The following GRB10 variants were observed in gnomAD, a reference collection of about 807,000 sequenced individuals.
GRB10 encodes the protein growth factor receptor bound protein 10.
A neutral mutation model predicts 80.9 loss-of-function variants in GRB10; 20 were observed. That is an observed-to-expected ratio of 0.25 (90% confidence interval 0.17 to 0.36). GRB10 has a LOEUF of 0.36. Ranked by LOEUF, GRB10 falls within the 10% of genes least tolerant of loss-of-function variation. GRB10 has a pLI of 1.00. For synonymous variants in GRB10, 291 were observed against 291.5 expected, an observed-to-expected ratio of 1.00 and a Z score of 0.02; for missense variants, 548 against 747.7, an observed-to-expected ratio of 0.73 and a Z score of 3.12.
Position 50,606,324 on chromosome 7 carries a change from T to C in GRB10, c.1272+13A>G, listed in dbSNP as rs1160609009. On this transcript the variant is annotated intron_variant, in intron 14 of 18. Transcript: ENST00000401949. ...AAAGGCACTAGACTTCTGAAGCTCC[T>C]GGCTTTACTTACCACTGGCGTCGAG... The C allele has an allele frequency of 6.2e-7, 1 of 1,609,264 alleles. No individual in the cohort carries two copies. The highest frequency in any genetic ancestry group is 1.1e-5 in the South Asian group (1 of 90,994).
chr7:50,733,734 C>T (rs143240944), intron 3 of GRB10, among the ~76,000 whole-genome samples: 121 of 152,360 alleles, frequency 7.9e-4, no homozygotes, highest in African/African-American at 2.7e-3. Context: ...CTCGGGGTAG[C>T]TGGTGTTACA....
intron 4 of GRB10, among the ~76,000 whole-genome samples, chr7:50,726,272 C>A (rs138126264): frequency 6.2e-4 from 94 of 152,184 alleles, no homozygotes; most frequent in Middle Eastern, 6.8e-3. Context: ...ATGGTGCATG[C>A]CTATAATTCC....
In GRB10 at chr7:50,592,950, G is replaced by A. The variant is rs919918053; in HGVS notation, c.*2C>T. The A allele has an allele frequency of 4.3e-6, 7 of 1,613,976 alleles. No homozygotes were observed. Among genetic ancestry groups the A allele is most frequent in the African/African-American group, 1.3e-5 (1 of 74,918 alleles). On this transcript the variant is annotated 3_prime_UTR_variant, in exon 19 of 19. Transcript: ENST00000401949. Reference sequence around the variant, plus strand: ...AGTCTTCAGCCGAGAGGACATCTGCGGTCATAAGGCCACTCGGATGCAGTG... The same window carrying A: ...AGTCTTCAGCCGAGAGGACATCTGCAGTCATAAGGCCACTCGGATGCAGTG...
chr7:50,714,579 C>A (rs1411975511), intron 4 of GRB10, among the ~76,000 whole-genome samples: 1 of 151,966 alleles, frequency 6.6e-6, no homozygotes, highest in African/African-American at 2.4e-5. Context: ...AGGGGAATGG[C>A]GTGAACCCAG....
intron 5 of GRB10, among the ~76,000 whole-genome samples, chr7:50,684,267 CAAA>C (rs386410128): frequency 0.029 from 1,778 of 62,252 alleles, 44 homozygotes; most frequent in African/African-American, 0.12. Context: ...CAATCATCAC[CAAA>C]AAAAAAAAAA....
intron 2 of GRB10, among the ~76,000 whole-genome samples, chr7:50,770,393 G>C (rs1481260587): frequency 6.6e-6 from 1 of 152,204 alleles, no homozygotes; most frequent in Non-Finnish European, 1.5e-5. Context: ...CAGAGGAACT[G>C]GTGGTTCCCA....
chr7:50,653,820 G>A (rs1243613829), intron 7 of GRB10, among the ~76,000 whole-genome samples: 2 of 152,174 alleles, frequency 1.3e-5, no homozygotes, highest in African/African-American at 4.8e-5. Flanking sequence ...AAGTAAAGTT[G>A]GTAGATCAAA....
intron 3 of GRB10, among the ~76,000 whole-genome samples, chr7:50,754,440 G>A (rs1475557222): frequency 1.3e-5 from 2 of 152,180 alleles, no homozygotes; most frequent in Non-Finnish European, 2.9e-5. Flanking sequence ...GGTGGGGGAG[G>A]TCACGGTTCA....
At chr7:50,712,096 GA>G (rs34421102) in intron 4 of GRB10, among the ~76,000 whole-genome samples, 15 of 149,502 alleles carry the variant, frequency 1.0e-4, no homozygotes, top group South Asian at 8.5e-4. Context: ...GAAAAAGGCT[GA>G]AAAAAAAAAT....
chr7:50,604,458 G>C, intron 15 of GRB10, 81 bp from the exon 16 acceptor site: 7 of 1,175,998 alleles, frequency 6.0e-6, no homozygotes, highest in East Asian at 2.3e-5. Flanking sequence ...CTCATGGCAG[G>C]CCACTGGGTG....
intron 4 of GRB10, chr7:50,705,157 T>C (rs1224494085): frequency 1.0e-6 from 1 of 985,658 alleles, no homozygotes; most frequent in Non-Finnish European, 1.2e-6. Context: ...CAAACAGGTT[T>C]AGGTCTGGTC....
chr7:50,616,946 C>T (rs2050759579), intron 10 of GRB10, among the ~76,000 whole-genome samples: 1 of 152,210 alleles, frequency 6.6e-6, no homozygotes, highest in Non-Finnish European at 1.5e-5. Context: ...GGAGGTGATG[C>T]TGGCAGGTCC....
chr7:50,653,237 G>A (rs1395184579), intron 7 of GRB10, among the ~76,000 whole-genome samples: 4 of 152,296 alleles, frequency 2.6e-5, no homozygotes, highest in East Asian at 3.9e-4. Flanking sequence ...TGCATGCTCC[G>A]AGGGAGGACT....
At chr7:50,646,139 A>G (rs2529422) in intron 7 of GRB10, among the ~76,000 whole-genome samples, 136,226 of 152,248 alleles carry the variant, frequency 0.89, 61,088 homozygotes, top group African/African-American at 0.94. Flanking sequence ...TAATTAGAAA[A>G]AGCTGCAAAC....
chr7:50,664,645 G>A (rs750006258), intron 7 of GRB10, among the ~76,000 whole-genome samples: 18 of 152,112 alleles, frequency 1.2e-4, no homozygotes, highest in Non-Finnish European at 1.8e-4. Flanking sequence ...AGGGTCTGAC[G>A]CAAAGGAGGA....
intron 4 of GRB10, among the ~76,000 whole-genome samples, chr7:50,724,519 T>TG (rs2068274450): frequency 6.6e-6 from 1 of 152,088 alleles, no homozygotes; most frequent in Non-Finnish European, 1.5e-5. Context: ...TTCAAAAAAG[T>TG]CAACATTGTG....
Position 50,618,284 on chromosome 7 carries a change from C to T in GRB10, c.778-145G>A, listed in dbSNP as rs539827324. 1.8e-4 allele frequency: 128 copies of T among 698,324 alleles called. No individual in the cohort carries two copies. The East Asian group carries it at 3.4e-3, about 19-fold the overall frequency. The allele number at this position is 698,324 out of a possible 1,614,324, so 43.3% of individuals were successfully genotyped here. ...TTAAAATGGCGGTCCTTTTTATTCTCCTATCACACAGAAGAAACACCTCCT... is the reference window on the plus strand; with the variant it reads ...TTAAAATGGCGGTCCTTTTTATTCTTCTATCACACAGAAGAAACACCTCCT... On this transcript the variant is annotated intron_variant, in intron 9 of 18. Coordinates refer to ENST00000401949, the MANE Select transcript of GRB10 (RefSeq NM_001350814.2).
intron 7 of GRB10, among the ~76,000 whole-genome samples, chr7:50,632,407 T>A (rs1382176200): frequency 1.3e-5 from 2 of 152,092 alleles, no homozygotes; most frequent in East Asian, 1.9e-4. Context: ...TGGTCTCAGC[T>A]CCCCAGGACG....
intron 8 of GRB10, among the ~76,000 whole-genome samples, chr7:50,621,075 A>G (rs78115155): frequency 3.1e-3 from 474 of 152,356 alleles, no homozygotes; most frequent in Non-Finnish European, 5.2e-3. Flanking sequence ...TTTTGTCTCC[A>G]AAGAACCCTG....
Sources: gnomAD v4.1 joint callset for allele counts (sites outside exome capture counted in the v4.1 genomes callset) on GRCh38, gnomAD v4.1.1 for gene constraint, MANE v1.5 for transcripts, NCBI Gene and HGNC (gene_info 2026-07-23, HGNC 2026-07-21) for gene names.